RBFOX2: variants seen among roughly 807,000 people sequenced by gnomAD.
The protein encoded by RBFOX2 is RNA binding protein fox-1 homolog 2.
Under a neutral mutation model 49.1 loss-of-function variants are expected in RBFOX2, and 10 were observed. The observed-to-expected ratio is 0.20, with a 90% confidence interval of 0.13 to 0.35. RBFOX2 has a LOEUF of 0.35. RBFOX2 is among the 10% of genes least tolerant of loss of function. RBFOX2 has a pLI of 1.00. For missense variants in RBFOX2, 323 were observed against 486.9 expected (o/e 0.66, Z 3.17); for synonymous variants, 183 against 187.4 (o/e 0.98, Z 0.19).
At chr22:35,962,446 G>A (rs959219192), upstream of RBFOX2, among the ~76,000 whole-genome samples, 8 of 152,104 alleles carry the variant, frequency 5.3e-5, no homozygotes, top group Admixed American at 5.2e-4. Flanking sequence ...AATTAGTTTG[G>A]GTCCCTGTGT....
chr22:35,897,739 CA>C, intron 1 of RBFOX2: 3 of 804,066 alleles, frequency 3.7e-6, no homozygotes, highest in Non-Finnish European at 6.7e-6. Flanking sequence ...AGCACCAAAC[CA>C]ACACATATTT....
chr22:36,020,048 G>A (rs1294675535), intron 1 of RBFOX2, among the ~76,000 whole-genome samples: 1 of 152,112 alleles, frequency 6.6e-6, no homozygotes, highest in Non-Finnish European at 1.5e-5. Flanking sequence ...CCAAGACAGA[G>A]ATATAGACCA....
Position 35,974,503 on chromosome 22 carries a change from G to GAC in RBFOX2, c.187-35607_187-35606insGT, listed in dbSNP as rs779251027. On this transcript the variant is annotated intron_variant, in intron 1 of 13. Coordinates refer to the RBFOX2 transcript ENST00000438146. The stretch of plus-strand genomic sequence containing the variant: ...GGAGTTGAATACCAGCCTGACCAAT[G>GAC]TGGTGAAATCCTGTCTCTACTAAAA... 3.3e-3 allele frequency among the ~76,000 whole-genome samples: 495 copies of GAC among 152,124 alleles called. 2 individuals are homozygous for GAC. The highest frequency in any genetic ancestry group is 0.01 in the Middle Eastern group (3 of 294).
At chr22:35,933,953 T>TATATATATATACATAC (rs1009021083) in intron 1 of RBFOX2, among the ~76,000 whole-genome samples, 4 of 141,072 alleles carry the variant, frequency 2.8e-5, no homozygotes, top group African/African-American at 1.1e-4. Flanking sequence ...TATATATATA[T>TATATATATATACATAC]ACACACATCA....
chr22:35,893,881 A>G (rs995141597), intron 1 of RBFOX2, among the ~76,000 whole-genome samples: 1 of 151,938 alleles, frequency 6.6e-6, no homozygotes, highest in African/African-American at 2.4e-5. Context: ...AACTTTCAAA[A>G]AGCTGGTTAG....
chr22:35,894,630 G>T (rs1236328327), intron 1 of RBFOX2, among the ~76,000 whole-genome samples: 4 of 151,926 alleles, frequency 2.6e-5, no homozygotes, highest in Non-Finnish European at 5.9e-5. Context: ...AACAACATAG[G>T]GGGAGGAAAA....
At chr22:35,914,441 A>T (rs2050180933) in intron 1 of RBFOX2, among the ~76,000 whole-genome samples, 1 of 152,232 alleles carries the variant, frequency 6.6e-6, no homozygotes, top group Non-Finnish European at 1.5e-5. Flanking sequence ...GCAAGTCTAA[A>T]AAGAGAAAAT....
chr22:35,851,398 A>G (rs757804958), intron 1 of RBFOX2, among the ~76,000 whole-genome samples: 3 of 152,264 alleles, frequency 2.0e-5, no homozygotes, highest in Non-Finnish European at 4.4e-5. Context: ...AAATGAACAC[A>G]GTTCTGTTGT....
chr22:35,785,433 T>C (rs1039205541), intron 2 of RBFOX2, among the ~76,000 whole-genome samples: 1 of 152,160 alleles, frequency 6.6e-6, no homozygotes, highest in African/African-American at 2.4e-5. Context: ...GGAGTGGAAC[T>C]TGCTGTTCTT....
At chr22:35,848,177 T>C (rs1482431197) in intron 1 of RBFOX2, among the ~76,000 whole-genome samples, 1 of 152,206 alleles carries the variant, frequency 6.6e-6, no homozygotes, top group Non-Finnish European at 1.5e-5. Context: ...CAGATGTTTC[T>C]CATTGAAAGC....
chr22:35,956,839 CAAAG>C (rs1178407092), intron 1 of RBFOX2, among the ~76,000 whole-genome samples: 5 of 151,992 alleles, frequency 3.3e-5, no homozygotes, highest in South Asian at 2.1e-4. Flanking sequence ...CCCATTTTGC[CAAAG>C]AGATTATTTA....
intron 1 of RBFOX2, among the ~76,000 whole-genome samples, chr22:35,861,421 A>G (rs974468439): frequency 4.6e-5 from 7 of 152,218 alleles, no homozygotes; most frequent in African/African-American, 1.4e-4. Flanking sequence ...TTGTATTCAG[A>G]ATATACAAGA....
At chr22:35,894,367 A>C (rs1303023305) in intron 1 of RBFOX2, among the ~76,000 whole-genome samples, 1 of 152,142 alleles carries the variant, frequency 6.6e-6, no homozygotes, top group Non-Finnish European at 1.5e-5. Context: ...TTATTAGATA[A>C]AAGCTTATGA....
At chr22:35,850,829 A>G (rs373995138) in intron 1 of RBFOX2, among the ~76,000 whole-genome samples, 1 of 152,244 alleles carries the variant, frequency 6.6e-6, no homozygotes, top group Non-Finnish European at 1.5e-5. Flanking sequence ...CAGAGTGAGC[A>G]GAAAGTGAAA....
upstream of RBFOX2, among the ~76,000 whole-genome samples, chr22:35,841,093 G>A (rs553420914): frequency 6.6e-6 from 1 of 152,172 alleles, no homozygotes; most frequent in Non-Finnish European, 1.5e-5. Flanking sequence ...TCTGAAAAAG[G>A]TGTCTACAAA....
At chr22:35,983,652 G>C (rs2057568024) in intron 1 of RBFOX2, among the ~76,000 whole-genome samples, 1 of 152,106 alleles carries the variant, frequency 6.6e-6, no homozygotes, top group Non-Finnish European at 1.5e-5. Context: ...AAATTTCCTA[G>C]ATCATCAAAT....
intron 2 of RBFOX2, among the ~76,000 whole-genome samples, chr22:35,796,560 A>C (rs1362993444): frequency 2.0e-5 from 3 of 152,212 alleles, no homozygotes; most frequent in African/African-American, 7.2e-5. Flanking sequence ...TAATACATCA[A>C]AACTTGACAA....
chr22:35,832,091 G>A (rs1319713219), intron 1 of RBFOX2, among the ~76,000 whole-genome samples: 2 of 152,214 alleles, frequency 1.3e-5, no homozygotes, highest in South Asian at 2.1e-4. Flanking sequence ...ACTAAAGCCA[G>A]TTGTATGCGA....
chr22:36,002,876 T>G lies in RBFOX2; in HGVS notation c.186+25364A>C, dbSNP rs887647258. 4.6e-5 allele frequency among the ~76,000 whole-genome samples: 7 copies of G among 152,388 alleles called. No homozygotes were observed. The East Asian group carries it at 1.2e-3, about 25-fold the overall frequency. On this transcript the variant is annotated intron_variant, in intron 1 of 13. Transcript: ENST00000438146. ...TCTGACCTCAGATGATCCCCCCACCTTGGCCTCCCAAAGTGCTGGGATTAT... is the reference window on the plus strand; with the variant it reads ...TCTGACCTCAGATGATCCCCCCACCGTGGCCTCCCAAAGTGCTGGGATTAT...
Sources: allele counts gnomAD v4.1 joint callset (sites outside exome capture counted in the v4.1 genomes callset), GRCh38; gene constraint gnomAD v4.1.1; transcripts MANE v1.5; gene names NCBI Gene and HGNC (gene_info 2026-07-23, HGNC 2026-07-21).